Variants in SLAIN1 observed in about 807,000 individuals in gnomAD.
SLAIN1 encodes the protein SLAIN family member 1.
SLAIN1 carries 17 observed loss-of-function variants against 55.4 expected under a neutral mutation model. That is an observed-to-expected ratio of 0.31 (90% CI 0.21 to 0.46). The LOEUF is 0.46. Among genes scored for constraint, SLAIN1 ranks in the 20% least tolerant of loss-of-function variants. The pLI is 1.00. For synonymous variants in SLAIN1, 348 were observed against 337.4 expected (o/e 1.03, Z -0.35); for missense variants, 682 against 785.1 (o/e 0.87, Z 1.57).
intron 1 of SLAIN1, among the ~76,000 whole-genome samples, chr13:77,717,220 C>T (rs1238668515): frequency 6.6e-6 from 1 of 152,082 alleles, no homozygotes; most frequent in East Asian, 1.9e-4. Context: ...AAGTTAGACT[C>T]AATTTACTGA....
chr13:77,716,616 G>A (rs1260279973), intron 1 of SLAIN1, among the ~76,000 whole-genome samples: 1 of 151,844 alleles, frequency 6.6e-6, no homozygotes, highest in Admixed American at 6.6e-5. Flanking sequence ...AGCATCTGAT[G>A]GTTTTTTAAA....
Position 77,697,812 on chromosome 13 carries a change from C to T in SLAIN1, c.-102C>T. 1 of 1,159,090 alleles carries T rather than the reference C, an allele frequency of 8.6e-7. No individual in the cohort carries two copies. The highest frequency in any genetic ancestry group is 1.1e-6 in the Non-Finnish European group (1 of 937,854). The allele number at this position is 1,159,090 out of a possible 1,614,324, so 71.8% of individuals were successfully genotyped here. On this transcript the variant is annotated 5_prime_UTR_variant, in exon 1 of 7. It introduces an in-frame stop codon into an upstream open reading frame of the 5' UTR. Coordinates refer to ENST00000418532, the MANE Select transcript of SLAIN1 (RefSeq NM_001242868.2). ...CTCAGCCCGCGCGTGGTCGGCCCCCCAGGCCGGGGCGACAGGGAAGGAGCC... is the reference window on the plus strand; with the variant it reads ...CTCAGCCCGCGCGTGGTCGGCCCCCTAGGCCGGGGCGACAGGGAAGGAGCC...
At chr13:77,706,054 C>T (rs1439644448) in intron 1 of SLAIN1, among the ~76,000 whole-genome samples, 2 of 152,092 alleles carry the variant, frequency 1.3e-5, no homozygotes, top group Non-Finnish European at 2.9e-5. Context: ...AGGCTTATTA[C>T]AGGAAGCAGT....
At position 77,746,846 on chromosome 13, in the gene SLAIN1, A is replaced by G; in HGVS notation, c.1249A>G (p.Thr417Ala). 6.2e-7 allele frequency: 1 copy of G among 1,610,532 alleles called. No individual in the cohort carries two copies. The highest frequency in any genetic ancestry group is 8.5e-7 in the Non-Finnish European group (1 of 1,177,340). Residue 417 changes from threonine to alanine, a missense_variant, in exon 4 of 7, where the codon ACC becomes GCC. Thr to Ala is a moderately conservative substitution (Grantham distance 58). This residue lies in a region of SLAIN1 where 244 missense variants were observed against 295.2 expected (regional missense o/e 0.83). Coordinates refer to ENST00000418532, the MANE Select transcript of SLAIN1 (RefSeq NM_001242868.2). ...AQTPDQQPNR[T>A]NGDKLRRSMP... ...AACTCCAGATCAGCAACCAAATAGG[A>G]CCAATGGAGGTAGGTTGTATGCTTT...
intron 1 of SLAIN1, among the ~76,000 whole-genome samples, chr13:77,712,432 A>G (rs1205208527): frequency 6.6e-6 from 1 of 152,228 alleles, no homozygotes; most frequent in Non-Finnish European, 1.5e-5. Context: ...AATAATGAAC[A>G]GCCAAATCAT....
chr13:77,714,728 G>A (rs1476280803), intron 1 of SLAIN1, among the ~76,000 whole-genome samples: 1 of 152,158 alleles, frequency 6.6e-6, no homozygotes, highest in African/African-American at 2.4e-5. Flanking sequence ...TGTACAATTT[G>A]ATAGACTTTA....
chr13:77,747,262 A>G (rs1873902475), intron 4 of SLAIN1, among the ~76,000 whole-genome samples: 1 of 152,036 alleles, frequency 6.6e-6, no homozygotes, highest in African/African-American at 2.4e-5. Context: ...AGAAATATAG[A>G]TAATTGGTCA....
intron 1 of SLAIN1, among the ~76,000 whole-genome samples, chr13:77,701,353 T>C (rs1300175767): frequency 6.6e-6 from 1 of 152,188 alleles, no homozygotes; most frequent in African/African-American, 2.4e-5. Context: ...TACATTATTT[T>C]CCTTTTATTA....
chr13:77,731,993 C>T (rs1192832905), intron 2 of SLAIN1, among the ~76,000 whole-genome samples: 5 of 151,976 alleles, frequency 3.3e-5, no homozygotes, highest in Non-Finnish European at 7.4e-5. Flanking sequence ...GTTTTGTGTG[C>T]AGGTATTTTA....
intron 4 of SLAIN1, among the ~76,000 whole-genome samples, chr13:77,751,726 T>G (rs1169538726): frequency 6.6e-6 from 1 of 152,174 alleles, no homozygotes; most frequent in Non-Finnish European, 1.5e-5. Flanking sequence ...CTCAGGAGCT[T>G]GGCCTTTCAG....
intron 1 of SLAIN1, among the ~76,000 whole-genome samples, chr13:77,702,678 A>G (rs1332653458): frequency 6.6e-6 from 1 of 151,832 alleles, no homozygotes; most frequent in Non-Finnish European, 1.5e-5. Flanking sequence ...TAAAAATCAG[A>G]TTATTTGTCC....
chr13:77,740,444 G>A (rs1678772371), intron 2 of SLAIN1, among the ~76,000 whole-genome samples: 1 of 151,820 alleles, frequency 6.6e-6, no homozygotes, highest in African/African-American at 2.4e-5. Context: ...GTGTAGTCCT[G>A]TTTGGGGCCA....
In SLAIN1 at chr13:77,698,851, C is replaced by G; in HGVS notation, c.626+312C>G. 1 of 1,501,338 alleles carries G rather than the reference C, an allele frequency of 6.7e-7. No homozygotes were observed. Among genetic ancestry groups the G allele is most frequent in the Admixed American group, 2.0e-5 (1 of 49,414 alleles). The allele number at this position is 1,501,338 out of a possible 1,614,324, so 93.0% of individuals were successfully genotyped here. A position where few individuals can be genotyped will look rare whatever the true frequency, so the allele number is the denominator to read the frequency against. ...CCAAGCTCCTCGTTAGCATTAAGTG[C>G]AAAATCCATGTCATCTTGTCTTTTT... On this transcript the variant is annotated intron_variant, in intron 1 of 6. Transcript: ENST00000418532. The surrounding 1 kb of genome is among the most constrained non-coding windows in gnomAD (Gnocchi z 4.1).
chr13:77,741,094 G>A (rs1873405580), intron 2 of SLAIN1: 1 of 934,398 alleles, frequency 1.1e-6, no homozygotes. Context: ...ATTGTGCAGA[G>A]TGATGAATGC....
intron 2 of SLAIN1, among the ~76,000 whole-genome samples, chr13:77,722,183 G>A (rs544465678): frequency 2.0e-5 from 3 of 151,970 alleles, no homozygotes; most frequent in Non-Finnish European, 4.4e-5. Context: ...TCCTGTAAAA[G>A]TTTAGAGAAC....
rs1441012014 is a variant in SLAIN1 at position 77,746,806 on chromosome 13, T to C, written c.1209T>C (p.Tyr403=). The C allele has an allele frequency of 6.2e-7, 1 of 1,613,802 alleles. No homozygotes were observed. Among genetic ancestry groups the C allele is most frequent in the South Asian group, 1.1e-5 (1 of 91,072 alleles). Residue 403 remains tyrosine, a synonymous_variant, in exon 4 of 7, where the codon TAT becomes TAC. Coordinates refer to ENST00000418532, the MANE Select transcript of SLAIN1 (RefSeq NM_001242868.2). The stretch of plus-strand genomic sequence containing the variant: ...ATAATTACCAGCAGCAACAGTATTA[T>C]TCACCTCAAGCCCAAACTCCAGATC... ...PSNNYQQQQY[Y]SPQAQTPDQQ...
chr13:77,757,157 C>G (rs1361121599), intron 5 of SLAIN1, among the ~76,000 whole-genome samples: 1 of 152,080 alleles, frequency 6.6e-6, no homozygotes, highest in African/African-American at 2.4e-5. Flanking sequence ...ATCCCTCACC[C>G]TCTGTATCTT....
At position 77,753,215 on chromosome 13, in the gene SLAIN1, G is replaced by A. The variant is rs138815981; in HGVS notation, c.1271G>A (p.Arg424Lys). 3.8e-6 allele frequency: 6 copies of A among 1,597,254 alleles called. No individual in the cohort carries two copies. Among genetic ancestry groups the A allele is most frequent in the Non-Finnish European group, 5.1e-6 (6 of 1,175,106 alleles). The change falls in exon 5 of 7, where the codon AGA (arginine) becomes AAA (lysine). Residue 424 changes from arginine (R) to lysine (K), a missense_variant. Arg to Lys is a conservative substitution (Grantham distance 26, BLOSUM62 2). Around this residue, in one of 3 missense-constraint regions of SLAIN1, gnomAD observed 244 missense variants for 295.2 expected, o/e 0.83. Transcript: ENST00000418532. ...PNRTNGDKLR[R>K]SMPNLARMPS... Reference sequence around the variant, plus strand: ...AATTCTTTTCCAGATAAGCTCCGAAGAAGTATGCCTAACCTAGCCCGGATG... The same window carrying A: ...AATTCTTTTCCAGATAAGCTCCGAAAAAGTATGCCTAACCTAGCCCGGATG...
intron 1 of SLAIN1, among the ~76,000 whole-genome samples, chr13:77,709,903 T>A (rs2091129995): frequency 6.6e-6 from 1 of 152,104 alleles, no homozygotes. Context: ...CCTGAGTAGT[T>A]GGGATTACAG....
Sources: allele counts gnomAD v4.1 joint callset (sites outside exome capture counted in the v4.1 genomes callset), GRCh38; gene constraint gnomAD v4.1.1; regional missense constraint gnomAD v4.1.1; non-coding constraint Gnocchi (gnomAD v3.1); transcripts MANE v1.5; gene names NCBI Gene and HGNC (gene_info 2026-07-23, HGNC 2026-07-21).